The following KCND2 variants were observed in gnomAD, a reference collection of about 807,000 sequenced individuals.
KCND2 encodes potassium voltage-gated channel subfamily D member 2, also known as A-type voltage-gated potassium channel KCND2.
In KCND2, 16 loss-of-function variants were observed where a neutral mutation model predicts 54.4. The observed-to-expected ratio is 0.29, with a 90% confidence interval of 0.20 to 0.45. KCND2 has a LOEUF of 0.45. Among genes scored for constraint, KCND2 ranks in the 20% least tolerant of loss-of-function variants. The probability of loss-of-function intolerance (pLI) is 1.00; values close to 1 mark genes in which losing one functional copy is unlikely to be tolerated. For synonymous variants in KCND2, 317 were observed against 310.7 expected, an observed-to-expected ratio of 1.02 and a Z score of -0.21; for missense variants, 486 against 824.2, an observed-to-expected ratio of 0.59 and a Z score of 5.02.
At chr7:120,711,762 A>C (rs1218201329) in intron 1 of KCND2, among the ~76,000 whole-genome samples, 1 of 152,188 alleles carries the variant, frequency 6.6e-6, no homozygotes, top group Non-Finnish European at 1.5e-5. Context: ...GTTTCTGAGC[A>C]ACAGCAGTTC....
chr7:120,500,601 A>G (rs1802917194), intron 1 of KCND2, among the ~76,000 whole-genome samples: 1 of 152,044 alleles, frequency 6.6e-6, no homozygotes, highest in African/African-American at 2.4e-5. Flanking sequence ...GGGTGAGTCA[A>G]TGCAAAAAAG....
chr7:120,546,282 T>A (rs562801527), intron 1 of KCND2, among the ~76,000 whole-genome samples: 7 of 152,026 alleles, frequency 4.6e-5, no homozygotes, highest in African/African-American at 1.7e-4. Flanking sequence ...GTATATGGAG[T>A]GGCAACGTGG....
chr7:120,294,683 A>G (rs1799483312), intron 1 of KCND2, among the ~76,000 whole-genome samples: 1 of 151,884 alleles, frequency 6.6e-6, no homozygotes, highest in African/African-American at 2.4e-5. Flanking sequence ...CATTCCTACA[A>G]TGAAAGAATT....
chr7:120,535,555 A>G (rs937725927), intron 1 of KCND2, among the ~76,000 whole-genome samples: 2 of 152,180 alleles, frequency 1.3e-5, no homozygotes, highest in Non-Finnish European at 2.9e-5. Context: ...ACTTAAGAGT[A>G]CATACCTGAT....
chr7:120,493,408 GA>G (rs1239957965), intron 1 of KCND2, among the ~76,000 whole-genome samples: 2 of 151,896 alleles, frequency 1.3e-5, no homozygotes, highest in Admixed American at 1.3e-4. Context: ...AATCATTGGG[GA>G]TATAACAACG....
At chr7:120,498,722 C>T (rs1802888396) in intron 1 of KCND2, among the ~76,000 whole-genome samples, 1 of 152,046 alleles carries the variant, frequency 6.6e-6, no homozygotes, top group Non-Finnish European at 1.5e-5. Context: ...TTGCAGTAAG[C>T]CAAGATCGTG....
intron 1 of KCND2, among the ~76,000 whole-genome samples, chr7:120,484,601 C>A (rs1584797318): frequency 2.6e-5 from 4 of 151,216 alleles, no homozygotes; most frequent in Admixed American, 2.6e-4. Context: ...AGTAAAGCTA[C>A]CAAAATGATA....
chr7:120,335,200 T>TA (rs1291527613), intron 1 of KCND2, among the ~76,000 whole-genome samples: 2 of 151,846 alleles, frequency 1.3e-5, no homozygotes, highest in East Asian at 3.9e-4. Flanking sequence ...CCGTCTCTAC[T>TA]AAAAATACAA....
intron 1 of KCND2, among the ~76,000 whole-genome samples, chr7:120,453,126 G>A (rs1295594281): frequency 6.6e-6 from 1 of 152,122 alleles, no homozygotes; most frequent in East Asian, 1.9e-4. Flanking sequence ...ATGCCACTTT[G>A]CCAGCACACA....
intron 1 of KCND2, among the ~76,000 whole-genome samples, chr7:120,689,568 T>A (rs1792245062): frequency 6.6e-6 from 1 of 152,182 alleles, no homozygotes; most frequent in South Asian, 2.1e-4. Flanking sequence ...ATGCAGGTTG[T>A]CCTTTATTTT....
At chr7:120,677,135 T>C (rs1792071141) in intron 1 of KCND2, among the ~76,000 whole-genome samples, 1 of 152,028 alleles carries the variant, frequency 6.6e-6, no homozygotes, top group Non-Finnish European at 1.5e-5. Flanking sequence ...GAGCAGAGGG[T>C]GACTAGCACA....
At chr7:120,693,862 G>A (rs1792301912) in intron 1 of KCND2, among the ~76,000 whole-genome samples, 1 of 152,118 alleles carries the variant, frequency 6.6e-6, no homozygotes, top group Non-Finnish European at 1.5e-5. Context: ...GGCAGAGAAA[G>A]GCCAGAAAGG....
intron 1 of KCND2, among the ~76,000 whole-genome samples, chr7:120,591,344 G>T (rs140840180): frequency 1.4e-4 from 22 of 152,288 alleles, no homozygotes; most frequent in African/African-American, 5.1e-4. Flanking sequence ...CCTACAGAAA[G>T]AGGCAATATG....
At chr7:120,570,505 A>T (rs948609094) in intron 1 of KCND2, among the ~76,000 whole-genome samples, 1 of 151,994 alleles carries the variant, frequency 6.6e-6, no homozygotes, top group African/African-American at 2.4e-5. Flanking sequence ...CCTATGTAGT[A>T]TGAACCAATA....
intron 1 of KCND2, among the ~76,000 whole-genome samples, chr7:120,701,135 A>G (rs549987799): frequency 1.3e-5 from 2 of 151,904 alleles, no homozygotes; most frequent in African/African-American, 4.8e-5. Flanking sequence ...GAAGTTCACA[A>G]AAGTTCTTTT....
intron 1 of KCND2, among the ~76,000 whole-genome samples, chr7:120,579,616 A>G (rs1256744023): frequency 7.7e-6 from 1 of 130,518 alleles, no homozygotes; most frequent in Non-Finnish European, 1.5e-5. Context: ...AAATAAATAA[A>G]TAAATAAATA....
intron 1 of KCND2, among the ~76,000 whole-genome samples, chr7:120,582,028 A>G (rs1182967628): frequency 2.0e-5 from 3 of 152,118 alleles, no homozygotes; most frequent in Non-Finnish European, 2.9e-5. Flanking sequence ...TTAACAATTT[A>G]ACAAGGTGCA....
At chr7:120,681,689 C>A (rs1792141537) in intron 1 of KCND2, among the ~76,000 whole-genome samples, 1 of 151,948 alleles carries the variant, frequency 6.6e-6, no homozygotes. Context: ...ATCTTTTAAT[C>A]ATAACTATTC....
chr7:120,564,768 A>C (rs368195328), intron 1 of KCND2, among the ~76,000 whole-genome samples: 2 of 152,164 alleles, frequency 1.3e-5, no homozygotes, highest in African/African-American at 4.8e-5. Flanking sequence ...ATAATAAACT[A>C]TACAATTTAT....
Sources: gnomAD v4.1 joint callset for allele counts (sites outside exome capture counted in the v4.1 genomes callset) on GRCh38, gnomAD v4.1.1 for gene constraint, MANE v1.5 for transcripts, NCBI Gene and HGNC (gene_info 2026-07-23, HGNC 2026-07-21) for gene names.